The following RAB3C variants were observed in gnomAD, a reference collection of about 807,000 sequenced individuals.
RAB3C encodes the protein ras-related protein Rab-3C.
RAB3C carries 17 observed loss-of-function variants against 26.4 expected under a neutral mutation model. The observed-to-expected ratio is 0.64, with a 90% confidence interval of 0.44 to 0.97. The LOEUF (loss-of-function observed/expected upper bound fraction) is 0.97, where lower values mean the gene tolerates loss of function less well. Among genes scored for constraint, RAB3C ranks in the 50% least tolerant of loss-of-function variants. The pLI is 0.00. For missense variants in RAB3C, 242 were observed against 281.9 expected, an observed-to-expected ratio of 0.86 and a Z score of 1.01; for synonymous variants, 91 against 95.9, an observed-to-expected ratio of 0.95 and a Z score of 0.30.
chr5:58,591,066 T>G (rs1746117954), intron 1 of RAB3C, among the ~76,000 whole-genome samples: 1 of 152,206 alleles, frequency 6.6e-6, no homozygotes, highest in African/African-American at 2.4e-5. Context: ...TACAGATATT[T>G]TATTGATACT....
At chr5:58,636,966 T>C (rs1747302562) in intron 2 of RAB3C, among the ~76,000 whole-genome samples, 1 of 152,134 alleles carries the variant, frequency 6.6e-6, no homozygotes, top group South Asian at 2.1e-4. Flanking sequence ...GAAGCATGAA[T>C]AGGAAAGAAA....
chr5:58,703,742 C>T (rs746062542), intron 2 of RAB3C, among the ~76,000 whole-genome samples: 13 of 152,048 alleles, frequency 8.5e-5, no homozygotes, highest in Non-Finnish European at 1.8e-4. Context: ...AATCATGGAG[C>T]CCAGGAATGT....
chr5:58,803,678 C>T (rs1579926975), intron 3 of RAB3C, among the ~76,000 whole-genome samples: 2 of 152,254 alleles, frequency 1.3e-5, no homozygotes, highest in South Asian at 4.2e-4. Flanking sequence ...CAATCCTTGA[C>T]AGAAGATGGC....
At chr5:58,703,286 G>C (rs1006484327) in intron 2 of RAB3C, among the ~76,000 whole-genome samples, 1 of 152,026 alleles carries the variant, frequency 6.6e-6, no homozygotes, top group African/African-American at 2.4e-5. Flanking sequence ...GGATTCAAGC[G>C]ATTTTCCTGC....
At chr5:58,683,083 G>A (rs978425732) in intron 2 of RAB3C, among the ~76,000 whole-genome samples, 9 of 152,042 alleles carry the variant, frequency 5.9e-5, no homozygotes, top group Non-Finnish European at 1.3e-4. Flanking sequence ...ATTTACTGGA[G>A]GAATTTCTCT....
At chr5:58,786,926 G>GCTTC (rs1455291566) in intron 3 of RAB3C, among the ~76,000 whole-genome samples, 1 of 152,064 alleles carries the variant, frequency 6.6e-6, no homozygotes, top group Non-Finnish European at 1.5e-5. Flanking sequence ...AAGGCATCGG[G>GCTTC]CTTCCTAAGG....
chr5:58,830,267 T>C (rs781406504), intron 4 of RAB3C, among the ~76,000 whole-genome samples: 6 of 152,176 alleles, frequency 3.9e-5, no homozygotes, highest in Non-Finnish European at 7.3e-5. Flanking sequence ...ACAAAGAATA[T>C]ACTAATGGAA....
intron 2 of RAB3C, among the ~76,000 whole-genome samples, chr5:58,637,542 A>G (rs1747315252): frequency 6.6e-6 from 1 of 152,162 alleles, no homozygotes; most frequent in Non-Finnish European, 1.5e-5. Context: ...TTTTGGATAT[A>G]CTATAAGTTC....
At chr5:58,583,520 G>A (rs564510852) in intron 1 of RAB3C, among the ~76,000 whole-genome samples, 1 of 152,122 alleles carries the variant, frequency 6.6e-6, no homozygotes. Context: ...AGTCAGAGGA[G>A]CATGCAATCT....
At chr5:58,793,416 G>A (rs1742574190) in intron 3 of RAB3C, among the ~76,000 whole-genome samples, 1 of 151,918 alleles carries the variant, frequency 6.6e-6, no homozygotes, top group East Asian at 1.9e-4. Context: ...AATTAGCTGG[G>A]CGTGGTGGCA....
chr5:58,698,921 C>G (rs1748778615), intron 2 of RAB3C, among the ~76,000 whole-genome samples: 2 of 152,212 alleles, frequency 1.3e-5, no homozygotes, highest in Admixed American at 1.3e-4. Flanking sequence ...CTGAAGCCTA[C>G]TTCTCTCAGC....
intron 3 of RAB3C, among the ~76,000 whole-genome samples, chr5:58,729,126 C>T (rs561032832): frequency 6.6e-6 from 1 of 152,114 alleles, no homozygotes; most frequent in East Asian, 1.9e-4. Flanking sequence ...GCACTTTCTG[C>T]AGATCACGTA....
chr5:58,643,884 T>C (rs1579833914), intron 2 of RAB3C, among the ~76,000 whole-genome samples: 1 of 152,140 alleles, frequency 6.6e-6, no homozygotes, highest in East Asian at 1.9e-4. Context: ...TGCAGGGGTG[T>C]GATCTCAGCT....
chr5:58,585,058 A>G (rs1322595683), intron 1 of RAB3C, among the ~76,000 whole-genome samples: 2 of 152,092 alleles, frequency 1.3e-5, no homozygotes, highest in Non-Finnish European at 2.9e-5. Context: ...TGTCATATTT[A>G]TAATGTATTT....
chr5:58,822,695 C>T (rs780499716), intron 3 of RAB3C: 11 of 438,766 alleles, frequency 2.5e-5, no homozygotes, highest in Non-Finnish European at 3.9e-5. Flanking sequence ...TGTCAGATTA[C>T]TTATGCCCAT....
rs1579907697 is a variant in RAB3C, at chr5:58,766,687, G to A, written c.371+40567G>A. Among the ~76,000 whole-genome samples, 4 of 152,292 alleles carry A rather than the reference G, an allele frequency of 2.6e-5. No homozygotes were observed. In the South Asian group the frequency reaches 6.2e-4, roughly 24 times the overall value. On this transcript the variant is annotated intron_variant, in intron 3 of 4. Transcript: ENST00000282878. Reference sequence around the variant, plus strand: ...TGAAGCTCAGGTGTGACCAGAGGTCGCTGGTGGGGTTCAGAGTCTGGTAGG... The same window carrying A: ...TGAAGCTCAGGTGTGACCAGAGGTCACTGGTGGGGTTCAGAGTCTGGTAGG...
intron 2 of RAB3C, among the ~76,000 whole-genome samples, chr5:58,638,234 C>A (rs1747328298): frequency 6.6e-6 from 1 of 151,908 alleles, no homozygotes; most frequent in Non-Finnish European, 1.5e-5. Flanking sequence ...GTTTTGAATT[C>A]ATTATATTTT....
intron 2 of RAB3C, among the ~76,000 whole-genome samples, chr5:58,699,124 T>C (rs1748783878): frequency 1.3e-5 from 2 of 152,206 alleles, no homozygotes; most frequent in South Asian, 4.2e-4. Context: ...GTAGATGACC[T>C]TTTTGTTGAT....
At chr5:58,716,273 TG>T (rs1166389489) in intron 2 of RAB3C, among the ~76,000 whole-genome samples, 2 of 152,078 alleles carry the variant, frequency 1.3e-5, no homozygotes, top group African/African-American at 4.8e-5. Context: ...GAAAAATGAA[TG>T]GGGTTTGAAA....
Sources: gnomAD v4.1 joint callset for allele counts (sites outside exome capture counted in the v4.1 genomes callset) on GRCh38, gnomAD v4.1.1 for gene constraint, MANE v1.5 for transcripts, NCBI Gene and HGNC (gene_info 2026-07-23, HGNC 2026-07-21) for gene names.